MED12L: variants seen among roughly 807,000 people sequenced by gnomAD.
MED12L encodes the protein mediator of RNA polymerase II transcription subunit 12-like protein.
In MED12L, 60 loss-of-function variants were observed where a neutral mutation model predicts 281.3. The ratio of observed to expected loss-of-function variants is 0.21; its 90% CI spans 0.17 to 0.26. MED12L has a LOEUF of 0.26. MED12L is among the 10% of genes least tolerant of loss of function. MED12L has a pLI of 1.00. For synonymous variants in MED12L, 974 were observed against 987.2 expected (o/e 0.99, Z 0.25); for missense variants, 2,146 against 2,680.9 (o/e 0.80, Z 4.41).
At chr3:151,263,379 A>G (rs550073826) in intron 16 of MED12L, among the ~76,000 whole-genome samples, 2 of 152,228 alleles carry the variant, frequency 1.3e-5, no homozygotes, top group Admixed American at 1.3e-4. Flanking sequence ...TGGAACCAGA[A>G]GGAAATGTAC....
Position 151,370,648 on chromosome 3 carries a change from T to C in MED12L, c.3664+1099T>C, listed in dbSNP as rs1029525100. On this transcript the variant is annotated intron_variant, in intron 26 of 44. Transcript: ENST00000687756. The stretch of plus-strand genomic sequence containing the variant: ...GAGTAGAATTTCCCTACTGTGATCA[T>C]ATTTGAAGGGAAGGTCAGTTGGTCG... 2.0e-5 allele frequency among the ~76,000 whole-genome samples: 3 copies of C among 152,144 alleles called. No individual in the cohort carries two copies. In the South Asian group the frequency reaches 6.2e-4, roughly 32 times the overall value.
chr3:151,357,388 G>A lies in MED12L; in HGVS notation c.2825+12G>A, dbSNP rs73006594. 1.1e-3 allele frequency: 1,775 copies of A among 1,556,860 alleles called. 14 individuals are homozygous for A. The African/African-American group carries it at 0.022, about 20-fold the overall frequency. On this transcript the variant is annotated intron_variant, in intron 20 of 44. Coordinates refer to ENST00000687756, the MANE Select transcript of MED12L (RefSeq NM_001393769.1). The stretch of plus-strand genomic sequence containing the variant: ...CAGGTGTTTGAAGGGTTGGTATATA[G>A]CATGTCATTGTTGTTTTTCCAATCT...
At chr3:151,273,017 TC>T (rs1741238340) in intron 16 of MED12L, among the ~76,000 whole-genome samples, 1 of 152,136 alleles carries the variant, frequency 6.6e-6, no homozygotes, top group Non-Finnish European at 1.5e-5. Context: ...TTGGAGCATT[TC>T]AGATTAGGGA....
At chr3:151,179,740 CT>C (rs1268479862) in intron 11 of MED12L, among the ~76,000 whole-genome samples, 1 of 152,200 alleles carries the variant, frequency 6.6e-6, no homozygotes, top group East Asian at 1.9e-4. Flanking sequence ...CCTCTGCCAT[CT>C]GCCCTTATCT....
At position 151,108,607 on chromosome 3, in the gene MED12L, A is replaced by G. The variant is rs189428537; in HGVS notation, c.100-7731A>G. Among the ~76,000 whole-genome samples the G allele has an allele frequency of 1.5e-3, 230 of 152,260 alleles. 2 individuals carry two copies. The highest frequency in any genetic ancestry group is 0.014 in the Admixed American group (210 of 15,290). On this transcript the variant is annotated intron_variant, in intron 2 of 44. Transcript: ENST00000687756. ...GACTTGAGCTAACTCAGCCTTCTTGACTAGCGCATAGAGGGATATTTTTCT... is the reference window on the plus strand; with the variant it reads ...GACTTGAGCTAACTCAGCCTTCTTGGCTAGCGCATAGAGGGATATTTTTCT...
intron 16 of MED12L, among the ~76,000 whole-genome samples, chr3:151,210,043 T>C (rs1726913998): frequency 6.6e-6 from 1 of 152,228 alleles, no homozygotes; most frequent in Non-Finnish European, 1.5e-5. Context: ...ATGGTGTCAA[T>C]TTCAACTCAT....
chr3:151,097,308 A>G (rs1720837632), intron 2 of MED12L, among the ~76,000 whole-genome samples: 1 of 152,190 alleles, frequency 6.6e-6, no homozygotes, highest in African/African-American at 2.4e-5. Context: ...AGAAGAGGAG[A>G]AAAATATTAG....
chr3:151,138,183 T>G (rs948176241), intron 5 of MED12L, among the ~76,000 whole-genome samples: 11 of 152,320 alleles, frequency 7.2e-5, no homozygotes, highest in Non-Finnish European at 7.4e-5. Flanking sequence ...CTTGCCTTTT[T>G]TTTTAACTTA....
intron 39 of MED12L, among the ~76,000 whole-genome samples, chr3:151,400,155 T>G (rs1275354526): frequency 6.6e-6 from 1 of 152,100 alleles, no homozygotes; most frequent in Non-Finnish European, 1.5e-5. Context: ...CCTCACAATA[T>G]CGACATCTAG....
chr3:151,199,568 A>C, intron 16 of MED12L: 1 of 578,290 alleles, frequency 1.7e-6, no homozygotes, highest in Non-Finnish European at 3.0e-6. Context: ...TTACCAGACC[A>C]TATGGCCTGG....
chr3:151,377,123 A>G lies in MED12L; in HGVS notation c.4261A>G (p.Ile1421Val), dbSNP rs917986348. Residue 1421 changes from isoleucine (I) to valine (V), a missense_variant, in exon 30 of 45, where the codon ATT becomes GTT. Ile to Val is a conservative substitution (Grantham distance 29, BLOSUM62 3). Coordinates refer to ENST00000687756, the MANE Select transcript of MED12L (RefSeq NM_001393769.1). ...CATGAGCCTCTTCAACCCAAACAGT[A>G]TTGGAAGTGCTGATACAAGTAGCAC... ...SGMSLFNPNS[I>V]GSADTSSTRQ... 1 of 1,614,108 alleles carries G rather than the reference A, an allele frequency of 6.2e-7. No homozygotes were observed. The highest frequency in any genetic ancestry group is 8.5e-7 in the Non-Finnish European group (1 of 1,179,970).
intron 16 of MED12L, among the ~76,000 whole-genome samples, chr3:151,242,243 C>T (rs907544665): frequency 9.2e-5 from 14 of 152,266 alleles, no homozygotes; most frequent in South Asian, 2.1e-4. Flanking sequence ...ACAAAGCAGC[C>T]GGGAAGCTCA....
chr3:151,331,684 A>G (rs1469848560), intron 16 of MED12L, among the ~76,000 whole-genome samples: 2 of 152,218 alleles, frequency 1.3e-5, no homozygotes, highest in Admixed American at 1.3e-4. Flanking sequence ...ATGGGAATAA[A>G]CTAAACATTT....
chr3:151,420,207 C>T (rs1343483324), intron 43 of MED12L, among the ~76,000 whole-genome samples: 1 of 152,144 alleles, frequency 6.6e-6, no homozygotes, highest in African/African-American at 2.4e-5. Context: ...TCCATGAATA[C>T]TCTTCCTTAC....
intron 16 of MED12L, among the ~76,000 whole-genome samples, chr3:151,245,872 C>T (rs965605486): frequency 1.3e-5 from 2 of 151,606 alleles, no homozygotes; most frequent in Admixed American, 1.3e-4. Flanking sequence ...TAGAAAACCC[C>T]ATCGTTTCAG....
At chr3:151,190,161 T>C (rs898837287) in intron 13 of MED12L, among the ~76,000 whole-genome samples, 9 of 152,034 alleles carry the variant, frequency 5.9e-5, no homozygotes, top group Non-Finnish European at 1.0e-4. Flanking sequence ...GAATGGGTAT[T>C]CAGGACTACT....
chr3:151,247,817 A>C (rs62282985), intron 16 of MED12L, among the ~76,000 whole-genome samples: 43,840 of 151,430 alleles, frequency 0.29, 6,458 homozygotes, highest in Non-Finnish European at 0.31. Context: ...CATTTTCTCC[A>C]TTTAGAGAGT....
At chr3:151,417,205 T>C (rs1414195255) in intron 43 of MED12L, among the ~76,000 whole-genome samples, 1 of 152,214 alleles carries the variant, frequency 6.6e-6, no homozygotes, top group African/African-American at 2.4e-5. Flanking sequence ...CTACCTACGA[T>C]GAGCTGGCTG....
chr3:151,272,367 A>T (rs1053930542), intron 16 of MED12L, among the ~76,000 whole-genome samples: 3 of 152,238 alleles, frequency 2.0e-5, no homozygotes, highest in African/African-American at 7.2e-5. Flanking sequence ...TCTACTCAGT[A>T]TATCATTCCC....
Sources: gnomAD v4.1 joint callset for allele counts (sites outside exome capture counted in the v4.1 genomes callset) on GRCh38, gnomAD v4.1.1 for gene constraint, MANE v1.5 for transcripts, NCBI Gene and HGNC (gene_info 2026-07-23, HGNC 2026-07-21) for gene names.